The following TIMP1 variants were observed in gnomAD, a reference collection of about 807,000 sequenced individuals.
The protein encoded by TIMP1 is TIMP metallopeptidase inhibitor 1.
In TIMP1, 5 loss-of-function variants were observed where a neutral mutation model predicts 13.7. The observed-to-expected ratio is 0.36, with a 90% CI of 0.19 to 0.76. The LOEUF is 0.76. Ranked by LOEUF, TIMP1 falls within the 30% of genes least tolerant of loss-of-function variation. TIMP1 has a pLI of 0.51. For synonymous variants in TIMP1, 63 were observed against 67.1 expected (o/e 0.94, Z 0.30); for missense variants, 131 against 168.4 (o/e 0.78, Z 1.23).
intron 2 of TIMP1, 93 bp downstream of exon 2, chrX:47,583,629 C>A: frequency 1.0e-6 from 1 of 990,973 alleles, no homozygotes; most frequent in Non-Finnish European, 1.3e-6. Context: ...TAGAATGATT[C>A]CACTCGCCCC....
In TIMP1 at chrX:47,584,856, A is replaced by G. The variant is rs779508365; in HGVS notation, c.122-80A>G. On this transcript the variant is annotated intron_variant, in intron 2 of 5. Transcript: ENST00000218388. ...CTATTTATGTATGCGCTTTGCTGGTATGATGATGATGATGATGATGATCTT... is the reference window on the plus strand; with the variant it reads ...CTATTTATGTATGCGCTTTGCTGGTGTGATGATGATGATGATGATGATCTT... 1.4e-4 allele frequency: 84 copies of G among 614,354 alleles called. 1 individual carries two copies. In the South Asian group the frequency reaches 2.8e-3, roughly 20 times the overall value. 50.6% of individuals were successfully genotyped at this position (614,354 alleles called of 1,213,427 possible).
Position 47,586,581 on chromosome X carries a change from G to C in TIMP1, c.514G>C (p.Asp172His). 1 of 1,211,911 alleles carries C rather than the reference G, an allele frequency of 8.3e-7. No individual in the cohort carries two copies. The highest frequency in any genetic ancestry group is 1.1e-6 in the Non-Finnish European group (1 of 895,553). Residue 172 changes from aspartate (D) to histidine (H), a missense_variant, in exon 6 of 6, where the codon GAC becomes CAC. By Grantham distance (81) the Asp-to-His change is moderately conservative (BLOSUM62 -1). Coordinates refer to ENST00000218388, the MANE Select transcript of TIMP1 (RefSeq NM_003254.3). ...LQSGTHCLWT[D>H]QLLQGSEKGF... ...GAGTGGCACTCATTGCTTGTGGACGGACCAGCTCCTCCAAGGCTCTGAAAA... is the reference window on the plus strand; with the variant it reads ...GAGTGGCACTCATTGCTTGTGGACGCACCAGCTCCTCCAAGGCTCTGAAAA...
rs145224385 is a variant in TIMP1 at position 47,586,674 on chromosome X, C to T, written c.607C>T (p.Arg203Trp). 1.4e-5 allele frequency: 17 copies of T among 1,208,417 alleles called. No individual in the cohort carries two copies. The highest frequency in any genetic ancestry group is 1.7e-5 in the African/African-American group (1 of 57,430). Residue 203 changes from arginine (R) to tryptophan (W), a missense_variant, in exon 6 of 6, where the codon CGG (arginine) becomes TGG (tryptophan). Physicochemically the swap from Arg to Trp is moderately radical, Grantham distance 101 (BLOSUM62 -3). Coordinates refer to ENST00000218388, the MANE Select transcript of TIMP1 (RefSeq NM_003254.3). ...EPGLCTWQSLRSQIA is the reference protein window; with the variant it reads ...EPGLCTWQSLWSQIA The stretch of plus-strand genomic sequence containing the variant: ...AGGGCTGTGCACCTGGCAGTCCCTG[C>T]GGTCCCAGATAGCCTGAATCCTGCC...
Position 47,585,579 on chromosome X carries a change from G to A in TIMP1, c.365G>A (p.Cys122Tyr). The A allele has an allele frequency of 8.3e-7, 1 of 1,199,340 alleles. No homozygotes were observed. Among genetic ancestry groups the A allele is most frequent in the Non-Finnish European group, 1.1e-6 (1 of 888,815 alleles). The change falls in exon 5 of 6, where the codon TGC becomes TAC. Residue 122 changes from cysteine to tyrosine, a missense_variant. Physicochemically the swap from Cys to Tyr is radical, Grantham distance 194 (BLOSUM62 -2). Coordinates refer to ENST00000218388, the MANE Select transcript of TIMP1 (RefSeq NM_003254.3). ...LQDGLLHITT[C>Y]SFVAPWNSLS... is the part of the protein sequence containing the mutation. ...GATGGACTCTTGCACATCACTACCT[G>A]CAGTTTTGTGGCTCCCTGGAACAGC...
At position 47,584,949 on chromosome X, in the gene TIMP1, G is replaced by C; in HGVS notation, c.135G>C (p.Lys45Asn). The change falls in exon 3 of 6, where the codon AAG becomes AAC. Residue 45 changes from lysine to asparagine, a missense_variant. Physicochemically the swap from Lys to Asn is moderately conservative, Grantham distance 94. Coordinates refer to ENST00000218388, the MANE Select transcript of TIMP1 (RefSeq NM_003254.3). ...FCNSDLVIRA[K>N]FVGTPEVNQT... ...CCTCTCCTGCAGTCATCAGGGCCAA[G>C]TTCGTGGGGACACCAGAAGTCAACC... 1 of 1,211,326 alleles carries C rather than the reference G, an allele frequency of 8.3e-7. No homozygotes were observed. Among genetic ancestry groups the C allele is most frequent in the Non-Finnish European group, 1.1e-6 (1 of 895,347 alleles).
intron 2 of TIMP1, among the ~76,000 whole-genome samples, 156 bp downstream of exon 2, chrX:47,583,692 C>T (rs1323332991): frequency 8.9e-6 from 1 of 111,741 alleles, no homozygotes; most frequent in African/African-American, 3.3e-5. Flanking sequence ...CTTGAGTACT[C>T]TGTGCCCAAG....
rs753438356 is a variant in TIMP1 at position 47,584,855 on chromosome X, TATGATGATG to T, written c.122-66_122-58del. Reference sequence around the variant, plus strand: ...CCTATTTATGTATGCGCTTTGCTGGTATGATGATGATGATGATGATGATCTTATTTTTAT... The same window carrying T: ...CCTATTTATGTATGCGCTTTGCTGGTATGATGATGATGATCTTATTTTTAT... On this transcript the variant is annotated intron_variant, in intron 2 of 5. Transcript: ENST00000218388. 7 of 851,291 alleles carry T rather than the reference TATGATGATG, an allele frequency of 8.2e-6. No individual in the cohort carries two copies. In the East Asian group the frequency reaches 1.9e-4, roughly 23 times the overall value. The allele number at this position is 851,291 out of a possible 1,213,427, so 70.2% of individuals were successfully genotyped here.
chrX:47,583,477 G>A lies in TIMP1; in HGVS notation c.62G>A (p.Ser21Asn). The A allele has an allele frequency of 2.5e-6, 3 of 1,208,531 alleles. No homozygotes were observed. Among genetic ancestry groups the A allele is most frequent in the Non-Finnish European group, 3.4e-6 (3 of 894,074 alleles). Reference sequence around the variant, plus strand: ...TTGTTGCTGTGGCTGATAGCCCCCAGCAGGGCCTGCACCTGTGTCCCACCC... The same window carrying A: ...TTGTTGCTGTGGCTGATAGCCCCCAACAGGGCCTGCACCTGTGTCCCACCC... ...ILLLLWLIAP[S>N]RACTCVPPHP... The change falls in exon 2 of 6, where the codon AGC becomes AAC. Residue 21 changes from serine (S) to asparagine (N), a missense_variant. Transcript: ENST00000218388.
At chrX:47,583,280 C>A (rs1482396343) in intron 1 of TIMP1, 128 bp from the exon 2 acceptor site, 3 of 454,994 alleles carry the variant, frequency 6.6e-6, no homozygotes, top group African/African-American at 4.9e-5. Context: ...GCTTACCAAC[C>A]CCTCAAGCCC....
At chrX:47,584,855 T>G (rs2057816002) in intron 2 of TIMP1, 81 bp from the exon 3 acceptor site, 1 of 853,102 alleles carries the variant, frequency 1.2e-6, no homozygotes, top group Non-Finnish European at 1.7e-6. Context: ...GCTTTGCTGG[T>G]ATGATGATGA....
In TIMP1 at chrX:47,584,939, T is replaced by G. The variant is rs758994538; in HGVS notation, c.125T>G (p.Ile42Ser). 2.5e-6 allele frequency: 3 copies of G among 1,210,837 alleles called. No homozygotes were observed. The highest frequency in any genetic ancestry group is 2.2e-6 in the Non-Finnish European group (2 of 894,888). The part of the protein sequence containing the change: ...QTAFCNSDLV[I>S]RAKFVGTPEV... Reference sequence around the variant, plus strand: ...ATATTTCCCTCCTCTCCTGCAGTCATCAGGGCCAAGTTCGTGGGGACACCA... The same window carrying G: ...ATATTTCCCTCCTCTCCTGCAGTCAGCAGGGCCAAGTTCGTGGGGACACCA... Residue 42 changes from isoleucine (I) to serine (S), a missense_variant, in exon 3 of 6, where the codon ATC (isoleucine) becomes AGC (serine). Physicochemically the swap from Ile to Ser is moderately radical, Grantham distance 142. Transcript: ENST00000218388.
At chrX:47,585,397 G>A in intron 4 of TIMP1, 66 bp downstream of exon 4, 2 of 1,201,733 alleles carry the variant, frequency 1.7e-6, no homozygotes, top group Non-Finnish European at 2.2e-6. Flanking sequence ...TAGCAACCAC[G>A]AGGGGGCGAG....
At chrX:47,582,618 G>A (rs1327475961) in intron 1 of TIMP1, 144 bp downstream of exon 1, 1 of 358,943 alleles carries the variant, frequency 2.8e-6, no homozygotes, top group Non-Finnish European at 5.6e-6. Context: ...TAGTCTAGGG[G>A]GAAGAGGGTC....
chrX:47,584,109 G>A (rs995065295), intron 2 of TIMP1, among the ~76,000 whole-genome samples: 2 of 111,448 alleles, frequency 1.8e-5, no homozygotes, highest in African/African-American at 3.3e-5. Context: ...CTAAACCGAC[G>A]TAACAGGATT....
In TIMP1 at chrX:47,585,187, C is replaced by G. The variant is rs756421884; in HGVS notation, c.202-18C>G. The G allele has an allele frequency of 6.8e-6, 8 of 1,171,898 alleles. No homozygotes were observed. The highest frequency in any genetic ancestry group is 9.1e-6 in the Non-Finnish European group (8 of 874,956). Reference sequence around the variant, plus strand: ...GATTATGTCAGTAAAAGAGACACTTCCCCTCATCCATCAACAGATGTATAA... The same window carrying G: ...GATTATGTCAGTAAAAGAGACACTTGCCCTCATCCATCAACAGATGTATAA... On this transcript the variant is annotated intron_variant, in intron 3 of 5. Transcript: ENST00000218388.
chrX:47,583,810 C>T (rs1357212531), intron 2 of TIMP1, among the ~76,000 whole-genome samples: 5 of 111,609 alleles, frequency 4.5e-5, no homozygotes, highest in Admixed American at 9.5e-5. Context: ...GATGGCCTTC[C>T]CTGGCCATCC....
intron 2 of TIMP1, among the ~76,000 whole-genome samples, chrX:47,583,971 C>T (rs2147917815): frequency 8.9e-6 from 1 of 111,846 alleles, no homozygotes; most frequent in African/African-American, 3.3e-5. Context: ...ATCTTGCAGT[C>T]GGTGGGAGAG....
Position 47,585,087 on chromosome X carries a change from C to G in TIMP1, c.201+72C>G, listed in dbSNP as rs1459778511. The G allele has an allele frequency of 7.7e-6, 9 of 1,176,339 alleles. No individual in the cohort carries two copies. The East Asian group carries it at 2.1e-4, about 27-fold the overall frequency. ...TCCTGGTCAAAACAGAAACTTCTGG[C>G]CACTGGTTGGTGCGAGAAAGTTGGC... On this transcript the variant is annotated intron_variant, in intron 3 of 5. Coordinates refer to ENST00000218388, the MANE Select transcript of TIMP1 (RefSeq NM_003254.3).
intron 2 of TIMP1, among the ~76,000 whole-genome samples, chrX:47,584,392 T>A (rs35895268): frequency 0.091 from 10,026 of 110,607 alleles, 368 homozygotes; most frequent in Admixed American, 0.14. Flanking sequence ...CTAAACTGAC[T>A]TAGCAAGGCT....
Sources: gnomAD v4.1 joint callset for allele counts (sites outside exome capture counted in the v4.1 genomes callset) on GRCh38, gnomAD v4.1.1 for gene constraint, MANE v1.5 for transcripts, NCBI Gene and HGNC (gene_info 2026-07-23, HGNC 2026-07-21) for gene names.